The following NME9 variants were observed in gnomAD, a reference collection of about 807,000 sequenced individuals.
The protein encoded by NME9 is thioredoxin domain-containing protein 6.
In NME9, 48 loss-of-function variants were observed where a neutral mutation model predicts 44.4. That is an observed-to-expected ratio of 1.08 (90% confidence interval 0.86 to 1.37). The LOEUF (loss-of-function observed/expected upper bound fraction) is 1.37, where lower values mean the gene tolerates loss of function less well. Ranked by LOEUF, NME9 falls within the 40% of genes most tolerant of loss-of-function variation. The probability of loss-of-function intolerance (pLI) is 0.00; values close to 1 mark genes in which losing one functional copy is unlikely to be tolerated. For synonymous variants in NME9, 139 were observed against 147.1 expected, an observed-to-expected ratio of 0.94 and a Z score of 0.40; for missense variants, 325 against 405.2, an observed-to-expected ratio of 0.80 and a Z score of 1.70.
chr3:138,267,636 A>T (rs2048393272), intron 8 of NME9, among the ~76,000 whole-genome samples: 1 of 152,204 alleles, frequency 6.6e-6, no homozygotes, highest in African/African-American at 2.4e-5. Context: ...AACTGCTGTC[A>T]TTGGAAAATC....
intron 8 of NME9, among the ~76,000 whole-genome samples, chr3:138,287,035 C>G (rs79461860): frequency 0.04 from 6,032 of 152,294 alleles, 131 homozygotes; most frequent in Middle Eastern, 0.075. Context: ...TGCCCCCACC[C>G]TAGTCAGTCC....
At chr3:138,300,695 T>TC (rs1362008757), downstream of NME9, among the ~76,000 whole-genome samples, 1 of 152,198 alleles carries the variant, frequency 6.6e-6, no homozygotes, top group East Asian at 1.9e-4. Flanking sequence ...CTTTTAAATT[T>TC]AAGTGTCAGC....
chr3:138,290,469 C>T (rs1195993383), intron 8 of NME9: 3 of 1,076,054 alleles, frequency 2.8e-6, no homozygotes, highest in Admixed American at 4.1e-5. Context: ...ACTGGTAAGG[C>T]TCTAGATTGT....
chr3:138,306,567 G>A (rs888035036), intron 6 of NME9, 87 bp from the exon 7 acceptor site: 9 of 765,556 alleles, frequency 1.2e-5, no homozygotes, highest in South Asian at 1.0e-4. Context: ...TCTACACAAG[G>A]CTCCATTGCA....
In NME9 at chr3:138,281,958, C is replaced by T. The variant is rs1232975433; in HGVS notation, c.746-19372G>A. On this transcript the variant is annotated intron_variant, in intron 8 of 8. Transcript: ENST00000317876. ...TTCCATTACTTCCTCTTAAGCTGCT[C>T]TGGCCAACCCATAGGATTGAGTCTT... Among the ~76,000 whole-genome samples, 10 of 152,152 alleles carry T rather than the reference C, an allele frequency of 6.6e-5. 1 individual carries two copies. The highest frequency in any genetic ancestry group is 5.9e-4 in the Admixed American group (9 of 15,280).
intron 6 of NME9, among the ~76,000 whole-genome samples, chr3:138,309,763 C>G (rs763487432): frequency 1.3e-5 from 2 of 152,022 alleles, no homozygotes; most frequent in African/African-American, 4.8e-5. Context: ...TGCAGTGGCT[C>G]ATGCCTGTAA....
At chr3:138,317,242 A>C (rs921630467) in intron 4 of NME9, among the ~76,000 whole-genome samples, 1 of 152,244 alleles carries the variant, frequency 6.6e-6, no homozygotes, top group African/African-American at 2.4e-5. Flanking sequence ...TCTCCCTACT[A>C]AAATCCAAAG....
At chr3:138,286,343 A>G (rs1274171306) in intron 8 of NME9, among the ~76,000 whole-genome samples, 2 of 152,076 alleles carry the variant, frequency 1.3e-5, no homozygotes, top group African/African-American at 4.8e-5. Context: ...CTCTACCCCC[A>G]TCATTCAACT....
chr3:138,263,555 G>A (rs2047964473), intron 8 of NME9: 1 of 611,834 alleles, frequency 1.6e-6, no homozygotes, highest in Non-Finnish European at 2.9e-6. Flanking sequence ...CAGGTCCTTA[G>A]TGGGCTAGAC....
At chr3:138,317,934 A>G (rs1209783602) in intron 4 of NME9, among the ~76,000 whole-genome samples, 4 of 152,108 alleles carry the variant, frequency 2.6e-5, no homozygotes, top group Non-Finnish European at 5.9e-5. Context: ...TTGTATCACC[A>G]GTTAGACTTG....
intron 8 of NME9, among the ~76,000 whole-genome samples, chr3:138,295,618 T>C (rs1362948346): frequency 6.6e-6 from 1 of 152,098 alleles, no homozygotes; most frequent in African/African-American, 2.4e-5. Flanking sequence ...CTGCAGCAGG[T>C]TTAAGTGCAG....
intron 8 of NME9, among the ~76,000 whole-genome samples, chr3:138,265,730 G>C (rs144321461): frequency 6.4e-4 from 97 of 152,304 alleles, no homozygotes; most frequent in African/African-American, 2.2e-3. Flanking sequence ...TAGTGGAGCA[G>C]TGGGATATAA....
At chr3:138,309,655 A>T (rs1210692110) in intron 6 of NME9, among the ~76,000 whole-genome samples, 1 of 152,088 alleles carries the variant, frequency 6.6e-6, no homozygotes, top group Non-Finnish European at 1.5e-5. Flanking sequence ...ATTGCACTCC[A>T]GCCTGGGTGA....
chr3:138,269,098 A>G (rs1053765681), intron 8 of NME9, among the ~76,000 whole-genome samples: 1 of 152,240 alleles, frequency 6.6e-6, no homozygotes, highest in African/African-American at 2.4e-5. Flanking sequence ...ATAAATTAAC[A>G]ATGGCAAATG....
chr3:138,278,728 T>C (rs1271572775), intron 8 of NME9, among the ~76,000 whole-genome samples: 2 of 152,204 alleles, frequency 1.3e-5, no homozygotes, highest in Non-Finnish European at 2.9e-5. Context: ...CTTTAATTCT[T>C]CTTATAGCAG....
chr3:138,304,407 A>G (rs2052078321), intron 9 of NME9, among the ~76,000 whole-genome samples: 2 of 152,242 alleles, frequency 1.3e-5, no homozygotes, highest in East Asian at 1.9e-4. Context: ...AAGCAAGCCC[A>G]GTGCAATGTG....
At chr3:138,277,811 A>G (rs1330947354) in intron 8 of NME9, among the ~76,000 whole-genome samples, 4 of 152,218 alleles carry the variant, frequency 2.6e-5, no homozygotes, top group Non-Finnish European at 5.9e-5. Context: ...ATGAAAACCT[A>G]AGTTCACACA....
intron 4 of NME9, among the ~76,000 whole-genome samples, chr3:138,315,999 T>C (rs558666837): frequency 1.6e-3 from 236 of 152,144 alleles, no homozygotes; most frequent in Non-Finnish European, 1.9e-3. Flanking sequence ...GCCCGGCTAA[T>C]TTTTTTGTAT....
intron 8 of NME9, among the ~76,000 whole-genome samples, chr3:138,269,608 A>G (rs917250974): frequency 7.2e-5 from 11 of 152,130 alleles, no homozygotes; most frequent in Admixed American, 7.2e-4. Context: ...TCCTTTACCA[A>G]CCATATTACT....
Sources: allele counts gnomAD v4.1 joint callset (sites outside exome capture counted in the v4.1 genomes callset), GRCh38; gene constraint gnomAD v4.1.1; transcripts MANE v1.5; gene names NCBI Gene and HGNC (gene_info 2026-07-23, HGNC 2026-07-21).